Variants in GPC6 observed in about 807,000 individuals in gnomAD.
GPC6 encodes the protein glypican-6.
GPC6 carries 14 observed loss-of-function variants against 55.2 expected under a neutral mutation model. The ratio of observed to expected loss-of-function variants is 0.25; its 90% CI spans 0.17 to 0.40. The LOEUF is 0.40. GPC6 is among the 10% of genes least tolerant of loss of function. GPC6 has a pLI of 1.00. For synonymous variants in GPC6, 278 were observed against 259.6 expected (o/e 1.07, Z -0.68); for missense variants, 641 against 708.5 (o/e 0.90, Z 1.08).
intron 3 of GPC6, 90 bp downstream of exon 3, chr13:93,830,635 AAAAC>A: frequency 1.7e-6 from 2 of 1,185,438 alleles, no homozygotes; most frequent in African/African-American, 1.6e-5. Context: ...AAAAAAAAAA[AAAAC>A]CAAGGTAAAA....
chr13:93,730,274 C>T (rs1883776744), intron 2 of GPC6, among the ~76,000 whole-genome samples: 1 of 152,086 alleles, frequency 6.6e-6, no homozygotes, highest in South Asian at 2.1e-4. Flanking sequence ...AGACAGTGCT[C>T]TTAGGAGGAA....
In GPC6 at chr13:93,807,312, G is replaced by A. The variant is rs1052974371; in HGVS notation, c.320-22842G>A. 3.2e-4 allele frequency among the ~76,000 whole-genome samples: 49 copies of A among 152,162 alleles called. 1 individual carries two copies. The highest frequency in any genetic ancestry group is 3.1e-4 in the Non-Finnish European group (21 of 68,026). On this transcript the variant is annotated intron_variant, in intron 2 of 8. Coordinates refer to ENST00000377047, the MANE Select transcript of GPC6 (RefSeq NM_005708.5). The stretch of plus-strand genomic sequence containing the variant: ...ATAAAAATGACTGGGATTATAGAAA[G>A]GTGAGATTTAAGGAAAGATCTCTTT...
chr13:94,373,407 C>T (rs192878989), intron 6 of GPC6, among the ~76,000 whole-genome samples: 7,056 of 151,898 alleles, frequency 0.046, 236 homozygotes, highest in East Asian at 0.073. Context: ...TCGAGAACTA[C>T]GTGAAAAATG....
At chr13:94,307,128 C>G (rs2139113009) in intron 6 of GPC6, among the ~76,000 whole-genome samples, 1 of 152,286 alleles carries the variant, frequency 6.6e-6, no homozygotes, top group Middle Eastern at 3.4e-3. Flanking sequence ...AAGTACATCT[C>G]AGCATTTCTG....
intron 2 of GPC6, among the ~76,000 whole-genome samples, chr13:93,658,046 C>T (rs1234200614): frequency 6.6e-6 from 1 of 151,964 alleles, no homozygotes; most frequent in East Asian, 1.9e-4. Context: ...TAAACCTGCA[C>T]ATGTACACCC....
chr13:93,492,340 A>T (rs1880049400), intron 1 of GPC6, among the ~76,000 whole-genome samples: 1 of 133,042 alleles, frequency 7.5e-6, no homozygotes, highest in East Asian at 2.2e-4. Flanking sequence ...GTTGGTGTAT[A>T]AGAATGCTTG....
rs114501745 is a variant in GPC6 at position 94,366,641 on chromosome 13, T to C, written c.1153-15773T>C. 3.1e-3 allele frequency among the ~76,000 whole-genome samples: 470 copies of C among 152,370 alleles called. 4 individuals are homozygous for C. Among genetic ancestry groups the C allele is most frequent in the African/African-American group, 0.011 (448 of 41,588 alleles). ...AGACCGCATATCTAATGACCTAATTTAGAATCAGCACTTGTCACAATCCAT... is the reference window on the plus strand; with the variant it reads ...AGACCGCATATCTAATGACCTAATTCAGAATCAGCACTTGTCACAATCCAT... On this transcript the variant is annotated intron_variant, in intron 6 of 8. Coordinates refer to ENST00000377047, the MANE Select transcript of GPC6 (RefSeq NM_005708.5).
chr13:94,396,499 A>G (rs2139225916), intron 7 of GPC6, among the ~76,000 whole-genome samples: 1 of 152,362 alleles, frequency 6.6e-6, no homozygotes, highest in South Asian at 2.1e-4. Flanking sequence ...TCACTCCTGC[A>G]GCTTCAAGGG....
intron 2 of GPC6, among the ~76,000 whole-genome samples, chr13:93,823,197 T>C (rs1887117258): frequency 1.4e-5 from 2 of 144,918 alleles, no homozygotes; most frequent in South Asian, 4.3e-4. Context: ...AGGTATGACT[T>C]TAGAATGCAT....
intron 1 of GPC6, among the ~76,000 whole-genome samples, chr13:93,523,460 C>T (rs964769539): frequency 1.3e-4 from 4 of 31,210 alleles, no homozygotes; most frequent in African/African-American, 2.5e-4. Context: ...CACATACACA[C>T]ATATGACATT....
intron 2 of GPC6, among the ~76,000 whole-genome samples, chr13:93,564,991 C>CA (rs1170655400): frequency 2.6e-5 from 4 of 152,088 alleles, no homozygotes; most frequent in Non-Finnish European, 4.4e-5. Flanking sequence ...AAAAAGAAAA[C>CA]AAAAAACATT....
chr13:93,252,467 T>C (rs750004617), intron 1 of GPC6, among the ~76,000 whole-genome samples: 15 of 152,240 alleles, frequency 9.9e-5, no homozygotes, highest in Non-Finnish European at 1.8e-4. Flanking sequence ...TCCCTGCTTT[T>C]ATCCACCAAG....
At chr13:93,289,609 A>G (rs1878254339) in intron 1 of GPC6, among the ~76,000 whole-genome samples, 2 of 152,208 alleles carry the variant, frequency 1.3e-5, no homozygotes, top group South Asian at 4.1e-4. Flanking sequence ...ACAAAGATAT[A>G]TGTATAGGGA....
intron 4 of GPC6, among the ~76,000 whole-genome samples, chr13:94,141,795 G>A (rs532532916): frequency 1.3e-5 from 2 of 152,236 alleles, no homozygotes; most frequent in Non-Finnish European, 1.5e-5. Flanking sequence ...TTGAGAATAT[G>A]CACTGAATAA....
At chr13:93,713,934 T>A (rs1011999459) in intron 2 of GPC6, among the ~76,000 whole-genome samples, 2 of 151,662 alleles carry the variant, frequency 1.3e-5, no homozygotes, top group African/African-American at 4.8e-5. Flanking sequence ...AAAAATTAAC[T>A]CAAGATGGAT....
rs34871661 is a variant in GPC6 at position 93,324,587 on chromosome 13, C to CATATATATATATATAT, written c.160+96981_160+96996dup. Among the ~76,000 whole-genome samples the CATATATATATATATAT allele has an allele frequency of 6.6e-3, 805 of 122,680 alleles. 5 individuals carry two copies. Among genetic ancestry groups the CATATATATATATATAT allele is most frequent in the East Asian group, 0.022 (63 of 2,834 alleles). The allele number at this position is 122,680 out of a possible 152,430, so 80.5% of individuals were successfully genotyped here. A position where few individuals can be genotyped will look rare whatever the true frequency, so the allele number is the denominator to read the frequency against. On this transcript the variant is annotated intron_variant, in intron 1 of 8. Coordinates refer to ENST00000377047, the MANE Select transcript of GPC6 (RefSeq NM_005708.5). ...ATATATATATACACACACATACATACATATATATATATATATATATATATA... is the reference window on the plus strand; with the variant it reads ...ATATATATATACACACACATACATACATATATATATATATATATATATATATATATATATATATATA...
rs78093379 is a variant in GPC6 at position 93,945,464 on chromosome 13, A to G, written c.712-82265A>G. On this transcript the variant is annotated intron_variant, in intron 3 of 8. Transcript: ENST00000377047. ...TGGTGGAAAGCACAGGAATGCTCCA[A>G]TTGAAAGTTGTTGGCAAGGTGAAGC... Among the ~76,000 whole-genome samples, 459 of 152,320 alleles carry G rather than the reference A, an allele frequency of 3.0e-3. 3 individuals carry two copies. The highest frequency in any genetic ancestry group is 0.011 in the African/African-American group (448 of 41,578).
chr13:94,029,377 C>G (rs1434558180), intron 4 of GPC6, among the ~76,000 whole-genome samples: 1 of 152,204 alleles, frequency 6.6e-6, no homozygotes, highest in East Asian at 1.9e-4. Flanking sequence ...ATCCTTCTGA[C>G]ACAAAATGAC....
chr13:94,391,456 C>T (rs911023641), intron 7 of GPC6, among the ~76,000 whole-genome samples: 1 of 152,142 alleles, frequency 6.6e-6, no homozygotes, highest in Non-Finnish European at 1.5e-5. Flanking sequence ...ATGAAGTCCC[C>T]TAGTGCCTCA....
Sources: allele counts gnomAD v4.1 joint callset (sites outside exome capture counted in the v4.1 genomes callset), GRCh38; gene constraint gnomAD v4.1.1; transcripts MANE v1.5; gene names NCBI Gene and HGNC (gene_info 2026-07-23, HGNC 2026-07-21).